The following COL22A1 variants were observed in gnomAD, a reference collection of about 807,000 sequenced individuals.
COL22A1 encodes the protein collagen alpha-1(XXII) chain.
COL22A1 carries 221 observed loss-of-function variants against 248.9 expected under a neutral mutation model. The observed-to-expected ratio is 0.89, with a 90% CI of 0.80 to 0.99. The LOEUF is 0.99. Among genes scored for constraint, COL22A1 ranks in the 50% least tolerant of loss-of-function variants. COL22A1 has a pLI of 0.00. For synonymous variants in COL22A1, 891 were observed against 793.4 expected (o/e 1.12, Z -2.07); for missense variants, 2,240 against 2,179.0 (o/e 1.03, Z -0.56).
At chr8:138,658,884 TCTCTCTCTCTCTCC>T (rs534873000) in intron 44 of COL22A1, among the ~76,000 whole-genome samples, 14 of 151,702 alleles carry the variant, frequency 9.2e-5, no homozygotes, top group South Asian at 2.1e-4. Flanking sequence ...TCTTCTCTCT[TCTCTCTCTCTCTCC>T]CTCTCTCTCT....
At position 138,737,527 on chromosome 8, in the gene COL22A1, C is replaced by A; in HGVS notation, c.2136G>T (p.Leu712=). The A allele has an allele frequency of 1.2e-6, 2 of 1,606,028 alleles. No individual in the cohort carries two copies. The highest frequency in any genetic ancestry group is 2.2e-5 in the East Asian group (1 of 44,812). ...AGAGAATGTAAAAGGTAGTTACCTGCAGCCCCAGCAATCCAGGGATTCCAG... is the reference window on the plus strand; with the variant it reads ...AGAGAATGTAAAAGGTAGTTACCTGAAGCCCCAGCAATCCAGGGATTCCAG... ...GPPGIPGLLG[L]QGPPGPPGVP... is the part of the protein sequence containing the mutation. Residue 712 remains leucine, a synonymous_variant, in exon 23 of 65, where the codon CTG becomes CTT. Coordinates refer to ENST00000303045, the MANE Select transcript of COL22A1 (RefSeq NM_152888.3).
intron 47 of COL22A1, among the ~76,000 whole-genome samples, chr8:138,643,197 T>G (rs555409963): frequency 2.8e-3 from 427 of 152,292 alleles, no homozygotes; most frequent in African/African-American, 9.1e-3. Flanking sequence ...AGTAAGGAGT[T>G]CCAACATTTG....
In COL22A1 at chr8:138,591,439, G is replaced by T. The variant is rs755284801; in HGVS notation, c.4678C>A (p.Pro1560Thr). Residue 1560 changes from proline (P) to threonine (T), a missense_variant, in exon 64 of 65, where the codon CCC becomes ACC. By Grantham distance (38) the Pro-to-Thr change is conservative. Transcript: ENST00000303045. The stretch of plus-strand genomic sequence containing the variant: ...TGAGTCATACCTGGGATTCCAGGGG[G>T]TCCCATCTCGCCTCGGAGGCCAACT... ...PGVGLRGEMG[P>T]PGIPGQPGEP... 10 of 1,581,320 alleles carry T rather than the reference G, an allele frequency of 6.3e-6. No individual in the cohort carries two copies. The highest frequency in any genetic ancestry group is 1.4e-5 in the African/African-American group (1 of 73,552).
At position 138,655,749 on chromosome 8, in the gene COL22A1, C is replaced by T. The variant is rs115381105; in HGVS notation, c.3333+148G>A. ...ACAGGGGGATTTAGCACATCACCAG[C>T]CACATGCTGAGTTGTCAACTAATGG... On this transcript the variant is annotated intron_variant, in intron 45 of 64. Transcript: ENST00000303045. 3,313 of 752,444 alleles carry T rather than the reference C, an allele frequency of 4.4e-3. 66 individuals are homozygous for T. The African/African-American group carries it at 0.052, about 12-fold the overall frequency. The allele number at this position is 752,444 out of a possible 1,614,324, so 46.6% of individuals were successfully genotyped here.
chr8:138,720,683 C>T (rs1829804209), intron 27 of COL22A1, 56 bp downstream of exon 27: 1 of 1,411,834 alleles, frequency 7.1e-7, no homozygotes, highest in South Asian at 1.1e-5. Flanking sequence ...ACACACCACC[C>T]CAAATAGACC....
At chr8:138,751,787 T>A (rs1224354205) in intron 21 of COL22A1, among the ~76,000 whole-genome samples, 2 of 152,230 alleles carry the variant, frequency 1.3e-5, no homozygotes, top group Non-Finnish European at 2.9e-5. Flanking sequence ...CTTGCTTTAG[T>A]GGTTTGCACA....
chr8:138,694,757 TG>T, intron 33 of COL22A1, 68 bp downstream of exon 33: 1 of 1,563,644 alleles, frequency 6.4e-7, no homozygotes, highest in Non-Finnish European at 8.8e-7. Context: ...GATCTACAGC[TG>T]GTCAGCCTTT....
intron 7 of COL22A1, among the ~76,000 whole-genome samples, chr8:138,814,306 C>T (rs1019335803): frequency 6.6e-6 from 1 of 152,388 alleles, no homozygotes; most frequent in African/African-American, 2.4e-5. Flanking sequence ...CCTTTAGGGG[C>T]TGTTTTTCAA....
chr8:138,707,315 C>A (rs964343038), intron 30 of COL22A1, among the ~76,000 whole-genome samples: 1 of 152,138 alleles, frequency 6.6e-6, no homozygotes, highest in African/African-American at 2.4e-5. Context: ...GATACCAAAG[C>A]TTGGCAGAGA....
chr8:138,722,994 C>G (rs781374041), intron 25 of COL22A1, among the ~76,000 whole-genome samples: 70 of 151,800 alleles, frequency 4.6e-4, no homozygotes, highest in Non-Finnish European at 6.9e-4. Flanking sequence ...CAGCAAACCA[C>G]CATGGCACAT....
chr8:138,785,247 A>G (rs16909623), intron 12 of COL22A1, among the ~76,000 whole-genome samples: 1 of 152,184 alleles, frequency 6.6e-6, no homozygotes, highest in African/African-American at 2.4e-5. Context: ...GCGTGGAGCC[A>G]GGAGACGGTG....
intron 30 of COL22A1, among the ~76,000 whole-genome samples, chr8:138,710,958 G>A (rs1406059771): frequency 6.6e-6 from 1 of 152,150 alleles, no homozygotes; most frequent in African/African-American, 2.4e-5. Context: ...GTATCAATGA[G>A]AAGAGGGCTG....
intron 31 of COL22A1, among the ~76,000 whole-genome samples, chr8:138,702,052 T>A (rs1169878779): frequency 1.3e-5 from 2 of 152,242 alleles, no homozygotes; most frequent in Non-Finnish European, 2.9e-5. Context: ...TTATACATGC[T>A]TTTAAAAATG....
intron 30 of COL22A1, among the ~76,000 whole-genome samples, chr8:138,713,142 C>A (rs949446855): frequency 6.6e-6 from 1 of 152,126 alleles, no homozygotes; most frequent in African/African-American, 2.4e-5. Context: ...TTTTTAGAGA[C>A]CTGCTTGGCA....
intron 16 of COL22A1, among the ~76,000 whole-genome samples, chr8:138,772,392 T>C (rs1267795797): frequency 1.3e-5 from 2 of 152,126 alleles, no homozygotes; most frequent in Non-Finnish European, 2.9e-5. Flanking sequence ...GTCATCACGG[T>C]GAAGAGGACA....
At chr8:138,838,974 C>G (rs866958965) in intron 4 of COL22A1, among the ~76,000 whole-genome samples, 6 of 152,104 alleles carry the variant, frequency 3.9e-5, no homozygotes, top group East Asian at 3.9e-4. Context: ...TGCCCTCCCC[C>G]ACCCCCTTAG....
intron 42 of COL22A1, among the ~76,000 whole-genome samples, chr8:138,663,199 C>T (rs114733093): frequency 0.018 from 2,770 of 152,306 alleles, 83 homozygotes; most frequent in African/African-American, 0.06. Flanking sequence ...CACGCACAGG[C>T]ATGTCATGGA....
chr8:138,591,578 G>T (rs948213396), intron 63 of COL22A1, 77 bp from the exon 64 acceptor site: 4 of 1,185,460 alleles, frequency 3.4e-6, no homozygotes, highest in Non-Finnish European at 3.5e-6. Flanking sequence ...CCTTGCGGGA[G>T]GTGCAGGGGC....
intron 3 of COL22A1, among the ~76,000 whole-genome samples, chr8:138,864,811 C>T (rs535933678): frequency 1.3e-5 from 2 of 152,294 alleles, no homozygotes; most frequent in African/African-American, 4.8e-5. Context: ...GTTTCACTCT[C>T]AGCCCAACCT....
Sources: allele counts gnomAD v4.1 joint callset (sites outside exome capture counted in the v4.1 genomes callset), GRCh38; gene constraint gnomAD v4.1.1; transcripts MANE v1.5; gene names NCBI Gene and HGNC (gene_info 2026-07-23, HGNC 2026-07-21).